The following DOCK9 variants were observed in gnomAD, a reference collection of about 807,000 sequenced individuals.
DOCK9 encodes the protein dedicator of cytokinesis 9.
DOCK9 carries 89 observed loss-of-function variants against 263.3 expected under a neutral mutation model. That is an observed-to-expected ratio of 0.34 (90% confidence interval 0.28 to 0.40). The LOEUF (loss-of-function observed/expected upper bound fraction) is 0.40. Among genes scored for constraint, DOCK9 ranks in the 10% least tolerant of loss-of-function variants. DOCK9 has a pLI of 1.00. For missense variants in DOCK9, 2,140 were observed against 2,603.4 expected, an observed-to-expected ratio of 0.82 and a Z score of 3.87; for synonymous variants, 976 against 973.1, an observed-to-expected ratio of 1.00 and a Z score of -0.06.
intron 1 of DOCK9, among the ~76,000 whole-genome samples, chr13:99,004,579 A>G (rs946595082): frequency 1.3e-5 from 2 of 152,340 alleles, no homozygotes; most frequent in Non-Finnish European, 2.9e-5. Flanking sequence ...ATCATCGGCA[A>G]TTGGCTCCAA....
At chr13:98,977,197 T>C (rs1041930909) in intron 1 of DOCK9, among the ~76,000 whole-genome samples, 12 of 152,344 alleles carry the variant, frequency 7.9e-5, no homozygotes, top group African/African-American at 2.6e-4. Flanking sequence ...AGACAAATGC[T>C]GAGAGTTTAG....
At chr13:98,885,563 C>T in intron 20 of DOCK9, 145 bp downstream of exon 20, 3 of 805,676 alleles carry the variant, frequency 3.7e-6, no homozygotes, top group South Asian at 5.2e-5. Context: ...ATTACATATG[C>T]AACCCAGACA....
rs2045278337 is a variant in DOCK9 at position 98,883,982 on chromosome 13, G to A, written c.2383-83C>T. ...TGATCATCAATGAGGGTAATGATGA[G>A]GGACTGAAAGAGGGCCCAGAGAACT... is the stretch of plus-strand genomic sequence containing the variant. On this transcript the variant is annotated intron_variant, in intron 21 of 52. Transcript: ENST00000682017. The A allele has an allele frequency of 5.2e-6, 5 of 954,712 alleles. No homozygotes were observed. In the South Asian group the frequency reaches 8.4e-5, roughly 16 times the overall value. The allele number at this position is 954,712 out of a possible 1,614,324, so 59.1% of individuals were successfully genotyped here.
intron 13 of DOCK9, among the ~76,000 whole-genome samples, chr13:98,898,993 T>C (rs576400661): frequency 2.0e-5 from 3 of 152,152 alleles, no homozygotes; most frequent in Non-Finnish European, 4.4e-5. Context: ...TAGTGCTTTG[T>C]CATCAATGCA....
chr13:98,807,540 C>T, intron 48 of DOCK9, 121 bp downstream of exon 48: 1 of 930,724 alleles, frequency 1.1e-6, no homozygotes, highest in East Asian at 3.0e-5. Context: ...ACACCTGCCA[C>T]TCACGGCCAA....
At position 98,977,923 on chromosome 13, in the gene DOCK9, CG is replaced by C; in HGVS notation, c.-15del. 1 of 1,569,992 alleles carries C rather than the reference CG, an allele frequency of 6.4e-7. No homozygotes were observed. The highest frequency in any genetic ancestry group is 8.6e-7 in the Non-Finnish European group (1 of 1,156,352). On this transcript the variant is annotated 5_prime_UTR_variant, in exon 1 of 53. Transcript: ENST00000682017. ...ATCAGCCTGCATTCTCGGCTGAAAA[CG>C]CAAGTCAGAAAGTCTGCAACTGGAA...
At chr13:98,922,587 G>A (rs1320794405) in intron 5 of DOCK9, among the ~76,000 whole-genome samples, 1 of 152,210 alleles carries the variant, frequency 6.6e-6, no homozygotes, top group Admixed American at 6.5e-5. Context: ...GGTGAATAAA[G>A]CAAGGGAGGA....
At chr13:98,815,227 T>C (rs892632741) in intron 45 of DOCK9, among the ~76,000 whole-genome samples, 5 of 152,112 alleles carry the variant, frequency 3.3e-5, no homozygotes, top group South Asian at 2.1e-4. Flanking sequence ...TGCCAGTGTG[T>C]ATTTATTATC....
chr13:99,085,961 C>G (rs1466001313), intron 1 of DOCK9, among the ~76,000 whole-genome samples: 1 of 152,082 alleles, frequency 6.6e-6, no homozygotes, highest in African/African-American at 2.4e-5. Flanking sequence ...CATCACTCTG[C>G]GGAAATTTCC....
chr13:98,925,192 A>C (rs1052257400), intron 4 of DOCK9, among the ~76,000 whole-genome samples: 1 of 152,074 alleles, frequency 6.6e-6, no homozygotes, highest in African/African-American at 2.4e-5. Flanking sequence ...ATAAATAAAT[A>C]AATCTCTTTT....
At position 98,815,474 on chromosome 13, in the gene DOCK9, G is replaced by T. The variant is rs758501229; in HGVS notation, c.5131-5183C>A. Among the ~76,000 whole-genome samples, 214 of 151,840 alleles carry T rather than the reference G, an allele frequency of 1.4e-3. No individual in the cohort carries two copies. In the Middle Eastern group the frequency reaches 0.024, roughly 17 times the overall value. ...AAAGAGAAATGTAAAATTTTTTTTT[G>T]TTTGTTTGTTTGTTTTGTTTTTTTG... On this transcript the variant is annotated intron_variant, in intron 45 of 52. Coordinates refer to ENST00000682017, the MANE Select transcript of DOCK9 (RefSeq NM_001366683.2).
chr13:98,917,441 C>G (rs1046528971), intron 7 of DOCK9, among the ~76,000 whole-genome samples: 4 of 152,158 alleles, frequency 2.6e-5, no homozygotes, highest in African/African-American at 9.7e-5. Context: ...CTCTGGCACT[C>G]CTTACTTCAC....
intron 27 of DOCK9, among the ~76,000 whole-genome samples, chr13:98,874,675 AC>A (rs2142342360): frequency 6.6e-6 from 1 of 152,370 alleles, no homozygotes; most frequent in East Asian, 1.9e-4. Flanking sequence ...AGAGAGCTAA[AC>A]AAATAAATAA....
rs537334005 is a variant in DOCK9, at chr13:99,068,351, A to G, written c.129+17872T>C. 7.9e-4 allele frequency among the ~76,000 whole-genome samples: 120 copies of G among 152,336 alleles called. 4 individuals carry two copies. In the South Asian group the frequency reaches 0.02, roughly 26 times the overall value. On this transcript the variant is annotated intron_variant, in intron 1 of 32. Transcript: ENST00000427887. ...GTAATACCAGCACTTTGGGAGCCCC[A>G]GGTGGCAGATCACCTGAGGTCAGAA...
At chr13:98,947,564 CA>C (rs1254670861) in intron 2 of DOCK9, among the ~76,000 whole-genome samples, 1 of 135,934 alleles carries the variant, frequency 7.4e-6, no homozygotes, top group African/African-American at 2.8e-5. Flanking sequence ...GCTGGGGTTG[CA>C]GTGGCACAAT....
At chr13:99,026,207 T>TA (rs1886698468) in intron 1 of DOCK9, among the ~76,000 whole-genome samples, 1 of 152,078 alleles carries the variant, frequency 6.6e-6, no homozygotes, top group Non-Finnish European at 1.5e-5. Context: ...TTGACTATGG[T>TA]GATGGATGCA....
chr13:98,971,426 G>T (rs1664403419), intron 1 of DOCK9, among the ~76,000 whole-genome samples: 1 of 152,132 alleles, frequency 6.6e-6, no homozygotes, highest in Admixed American at 6.5e-5. Flanking sequence ...GGAAAATAGG[G>T]GCCGGGCGCG....
chr13:98,944,757 C>T (rs1415090003), intron 2 of DOCK9, among the ~76,000 whole-genome samples: 5 of 152,214 alleles, frequency 3.3e-5, no homozygotes, highest in Admixed American at 1.3e-4. Context: ...CTGAACCTCA[C>T]TTAAGGACAG....
chr13:98,890,048 G>A lies in DOCK9; in HGVS notation c.1710-1337C>T, dbSNP rs371730777. On this transcript the variant is annotated intron_variant, in intron 15 of 52. Transcript: ENST00000682017. ...AATTATATTTTTGGACCTCAGAAGA[G>A]AATTTAATTTTTGTCTTGCTGAAAT... 1.5e-3 allele frequency among the ~76,000 whole-genome samples: 228 copies of A among 152,194 alleles called. 7 individuals carry two copies. In the South Asian group the frequency reaches 0.045, roughly 30 times the overall value.
Sources: allele counts gnomAD v4.1 joint callset (sites outside exome capture counted in the v4.1 genomes callset), GRCh38; gene constraint gnomAD v4.1.1; transcripts MANE v1.5; gene names NCBI Gene and HGNC (gene_info 2026-07-23, HGNC 2026-07-21).